The following DNAH14 variants were observed in gnomAD, a reference collection of about 807,000 sequenced individuals.
DNAH14 encodes dynein axonemal heavy chain 14.
Under a neutral mutation model 520.9 loss-of-function variants are expected in DNAH14, and 478 were observed. The observed-to-expected ratio is 0.92, with a 90% CI of 0.85 to 0.99. The LOEUF (loss-of-function observed/expected upper bound fraction) is 0.99. Ranked by LOEUF, DNAH14 falls within the 50% of genes least tolerant of loss-of-function variation. The pLI is 0.00. For missense variants in DNAH14, 4,831 were observed against 5,234.5 expected, an observed-to-expected ratio of 0.92 and a Z score of 2.38; for synonymous variants, 1,581 against 1,757.2, an observed-to-expected ratio of 0.90 and a Z score of 2.51.
intron 69 of DNAH14, among the ~76,000 whole-genome samples, chr1:225,343,712 A>T (rs2095238113): frequency 6.6e-6 from 1 of 152,184 alleles, no homozygotes; most frequent in Non-Finnish European, 1.5e-5. Context: ...TACCTAATAA[A>T]CTGTTTCTTT....
intron 15 of DNAH14, among the ~76,000 whole-genome samples, chr1:225,049,376 T>C (rs945032414): frequency 6.6e-5 from 10 of 151,290 alleles, no homozygotes; most frequent in Admixed American, 2.6e-4. Flanking sequence ...TTTTTTTTAA[T>C]TGGGGTTTTT....
At chr1:225,363,179 A>AT (rs1161115552) in intron 75 of DNAH14, among the ~76,000 whole-genome samples, 3 of 152,054 alleles carry the variant, frequency 2.0e-5, no homozygotes, top group African/African-American at 7.2e-5. Flanking sequence ...TATATGTAAT[A>AT]TTTTTCTGAA....
intron 20 of DNAH14, among the ~76,000 whole-genome samples, chr1:225,084,804 C>CACTTAGAGTATAATAAAAAAAAAAAAA (rs1558905783): frequency 7.3e-5 from 1 of 13,628 alleles, no homozygotes; most frequent in African/African-American, 8.5e-5. Context: ...GCTAGATTCA[C>CACTTAGAGTATAATAAAAAAAAAAAAA]TTCACTGAAA....
At chr1:225,019,575 C>A (rs2065491107) in intron 10 of DNAH14, among the ~76,000 whole-genome samples, 2 of 152,150 alleles carry the variant, frequency 1.3e-5, no homozygotes, top group Admixed American at 6.6e-5. Flanking sequence ...TTGGATCTAA[C>A]AGACACCTAC....
At chr1:224,970,368 G>T (rs1458219285) in intron 7 of DNAH14, among the ~76,000 whole-genome samples, 1 of 152,052 alleles carries the variant, frequency 6.6e-6, no homozygotes, top group African/African-American at 2.4e-5. Flanking sequence ...AACTTCATTG[G>T]CAATTTTAAT....
chr1:225,274,433 A>G (rs1270745891), intron 52 of DNAH14, among the ~76,000 whole-genome samples: 1 of 151,672 alleles, frequency 6.6e-6, no homozygotes, highest in Non-Finnish European at 1.5e-5. Context: ...TGACCTCGTG[A>G]TCCGCCCGCC....
intron 54 of DNAH14, among the ~76,000 whole-genome samples, chr1:225,288,682 C>T (rs4326592): frequency 0.036 from 5,529 of 152,054 alleles, 304 homozygotes; most frequent in African/African-American, 0.12. Flanking sequence ...TCACAAAAGA[C>T]GATACCTGAA....
intron 17 of DNAH14, among the ~76,000 whole-genome samples, chr1:225,055,560 A>C (rs1027790640): frequency 2.0e-5 from 3 of 151,734 alleles, no homozygotes; most frequent in Non-Finnish European, 4.4e-5. Context: ...TTATACTTTA[A>C]ATTTTAGGGT....
intron 37 of DNAH14, among the ~76,000 whole-genome samples, chr1:225,189,434 T>A (rs2085138806): frequency 6.7e-6 from 1 of 149,682 alleles, no homozygotes; most frequent in Admixed American, 6.7e-5. Flanking sequence ...TTTACAAGAG[T>A]TTGAGTAGGA....
chr1:225,142,971 A>ATT (rs996029371), intron 28 of DNAH14, among the ~76,000 whole-genome samples: 2 of 151,794 alleles, frequency 1.3e-5, no homozygotes, highest in Non-Finnish European at 2.9e-5. Flanking sequence ...AATGAAATAA[A>ATT]TTTTTTTTTC....
intron 1 of DNAH14, among the ~76,000 whole-genome samples, chr1:224,944,985 C>T (rs2059697433): frequency 6.6e-6 from 1 of 152,134 alleles, no homozygotes; most frequent in African/African-American, 2.4e-5. Context: ...AGTTGCTCTT[C>T]TCGAGGAATA....
chr1:225,395,065 G>C (rs2095987309), intron 84 of DNAH14, among the ~76,000 whole-genome samples: 1 of 152,108 alleles, frequency 6.6e-6, no homozygotes, highest in African/African-American at 2.4e-5. Flanking sequence ...TAACATGGTG[G>C]AGTACATAGA....
intron 17 of DNAH14, among the ~76,000 whole-genome samples, chr1:225,060,418 A>AT (rs1553417142): frequency 6.6e-6 from 1 of 151,668 alleles, no homozygotes; most frequent in Non-Finnish European, 1.5e-5. Context: ...CATTTGTCTA[A>AT]TTTTTTTTCA....
chr1:225,363,097 G>C (rs1231959486), intron 75 of DNAH14, among the ~76,000 whole-genome samples: 1 of 152,080 alleles, frequency 6.6e-6, no homozygotes, highest in Non-Finnish European at 1.5e-5. Context: ...TGCAAGAACA[G>C]TACAAAAACT....
chr1:225,383,601 G>A (rs2095804886), intron 81 of DNAH14, among the ~76,000 whole-genome samples: 2 of 152,186 alleles, frequency 1.3e-5, no homozygotes, highest in Non-Finnish European at 2.9e-5. Flanking sequence ...TGTCCGGCTT[G>A]GACAAATGGG....
intron 10 of DNAH14, among the ~76,000 whole-genome samples, chr1:225,015,127 C>T (rs181672184): frequency 1.7e-4 from 26 of 152,106 alleles, no homozygotes; most frequent in East Asian, 7.7e-4. Flanking sequence ...TGCTTGATTT[C>T]GGTTTTTGTT....
chr1:225,271,145 C>T (rs1171322185), intron 50 of DNAH14, among the ~76,000 whole-genome samples: 2 of 152,154 alleles, frequency 1.3e-5, no homozygotes, highest in East Asian at 1.9e-4. Flanking sequence ...TCTGGCCTGG[C>T]ATGTAGGAAT....
chr1:225,162,212 A>C (rs896300171), intron 35 of DNAH14, among the ~76,000 whole-genome samples: 1 of 152,140 alleles, frequency 6.6e-6, no homozygotes, highest in Non-Finnish European at 1.5e-5. Flanking sequence ...GTCTAGTTTC[A>C]TTCTTCTGCA....
intron 8 of DNAH14, among the ~76,000 whole-genome samples, chr1:224,983,807 A>G (rs2062437904): frequency 6.6e-6 from 1 of 152,158 alleles, no homozygotes; most frequent in South Asian, 2.1e-4. Context: ...AATAGCTGAA[A>G]AGAAATACTT....
Sources: allele counts gnomAD v4.1 joint callset (sites outside exome capture counted in the v4.1 genomes callset), GRCh38; gene constraint gnomAD v4.1.1; transcripts MANE v1.5; gene names NCBI Gene and HGNC (gene_info 2026-07-23, HGNC 2026-07-21).